The following MED27 variants were observed in gnomAD, a reference collection of about 807,000 sequenced individuals.
MED27 encodes the protein mediator of RNA polymerase II transcription subunit 27.
A neutral mutation model predicts 38.2 loss-of-function variants in MED27; 30 were observed. The observed-to-expected ratio is 0.79, with a 90% CI of 0.59 to 1.07. MED27 has a LOEUF of 1.07. MED27 is among the 50% of genes least tolerant of loss of function. The pLI is 0.00. For missense variants in MED27, 289 were observed against 397.5 expected, an observed-to-expected ratio of 0.73 and a Z score of 2.32; for synonymous variants, 122 against 153.5, an observed-to-expected ratio of 0.79 and a Z score of 1.52.
At chr9:132,045,413 T>TACACAC (rs61360267) in intron 2 of MED27, among the ~76,000 whole-genome samples, 98 of 144,494 alleles carry the variant, frequency 6.8e-4, no homozygotes, top group African/African-American at 2.0e-3. Flanking sequence ...AAGAGGAAAT[T>TACACAC]ACACACACAC....
At chr9:131,884,359 G>A (rs551770312) in intron 5 of MED27, among the ~76,000 whole-genome samples, 1 of 152,336 alleles carries the variant, frequency 6.6e-6, no homozygotes, top group East Asian at 1.9e-4. Context: ...GCTCCTGCAA[G>A]CTGAGCCCCT....
Position 132,061,234 on chromosome 9 carries a change from G to C in MED27, c.348+16208C>G, listed in dbSNP as rs370504260. Among the ~76,000 whole-genome samples the C allele has an allele frequency of 1.1e-4, 16 of 152,220 alleles. No individual in the cohort carries two copies. In the South Asian group the frequency reaches 3.3e-3, roughly 32 times the overall value. ...AATGAAAAGTAAGTCAGAGCTAAAA[G>C]GGCCAACGGTGCCTTATTCACAGCA... On this transcript the variant is annotated intron_variant, in intron 2 of 7. Coordinates refer to ENST00000292035, the MANE Select transcript of MED27 (RefSeq NM_004269.4).
intron 2 of MED27, among the ~76,000 whole-genome samples, chr9:132,069,781 C>T (rs952943195): frequency 2.6e-5 from 4 of 152,182 alleles, no homozygotes; most frequent in Non-Finnish European, 5.9e-5. Flanking sequence ...ACCCTTCATC[C>T]TACCGATGAG....
chr9:131,983,982 C>G (rs1831795461), intron 3 of MED27, among the ~76,000 whole-genome samples: 1 of 152,120 alleles, frequency 6.6e-6, no homozygotes, highest in African/African-American at 2.4e-5. Flanking sequence ...ACTTTCTGAC[C>G]TCTCGTCTCA....
At chr9:132,008,365 A>C (rs1192454671) in intron 3 of MED27, among the ~76,000 whole-genome samples, 1 of 152,244 alleles carries the variant, frequency 6.6e-6, no homozygotes, top group African/African-American at 2.4e-5. Flanking sequence ...TTTGCACAGC[A>C]ACAGTGGACA....
chr9:132,022,488 T>A (rs1261349430), intron 2 of MED27, among the ~76,000 whole-genome samples: 2 of 152,228 alleles, frequency 1.3e-5, no homozygotes, highest in African/African-American at 4.8e-5. Context: ...TCTGAGGTCC[T>A]AACACTGAAA....
At chr9:131,895,818 T>C (rs984774994) in intron 4 of MED27, among the ~76,000 whole-genome samples, 3 of 152,002 alleles carry the variant, frequency 2.0e-5, no homozygotes, top group African/African-American at 7.2e-5. Context: ...CAATAAACCA[T>C]GGAGGTAGAG....
chr9:131,975,635 C>T (rs1414446182), intron 3 of MED27, among the ~76,000 whole-genome samples: 1 of 152,222 alleles, frequency 6.6e-6, no homozygotes, highest in African/African-American at 2.4e-5. Flanking sequence ...GAAGAAGACA[C>T]AATCCCTGCC....
Position 131,917,340 on chromosome 9 carries a change from G to A in MED27, c.573+22041C>T, listed in dbSNP as rs756293520. On this transcript the variant is annotated intron_variant, in intron 4 of 7. Transcript: ENST00000292035. This position sits in a 1 kb window ranked among gnomAD's most constrained non-coding sequence, Gnocchi z 4.6. The stretch of plus-strand genomic sequence containing the variant: ...AAGAGGAGAAAGGTCAACTGAGGCC[G>A]GGTTATACAGACCATGTACACCACC... 8.5e-5 allele frequency among the ~76,000 whole-genome samples: 13 copies of A among 152,078 alleles called. No homozygotes were observed. The highest frequency in any genetic ancestry group is 2.0e-4 in the Admixed American group (3 of 15,266).
At chr9:131,924,191 T>C (rs915346720) in intron 4 of MED27, among the ~76,000 whole-genome samples, 5 of 152,214 alleles carry the variant, frequency 3.3e-5, no homozygotes, top group African/African-American at 9.6e-5. Flanking sequence ...TGCATTCTCA[T>C]TAGCAAGGTA....
intron 4 of MED27, among the ~76,000 whole-genome samples, chr9:131,899,569 T>C (rs542267201): frequency 3.3e-5 from 5 of 152,228 alleles, no homozygotes; most frequent in Admixed American, 6.5e-5. Flanking sequence ...TTTGAGGAAA[T>C]TGAAGGAGGC....
intron 2 of MED27, among the ~76,000 whole-genome samples, chr9:132,057,624 A>G (rs1833609913): frequency 6.6e-6 from 1 of 152,230 alleles, no homozygotes; most frequent in Non-Finnish European, 1.5e-5. Context: ...ACATAAGCCA[A>G]TGCGATGGCA....
intron 2 of MED27, among the ~76,000 whole-genome samples, chr9:132,071,666 C>T (rs894934612): frequency 4.6e-5 from 7 of 151,884 alleles, no homozygotes; most frequent in African/African-American, 1.7e-4. Flanking sequence ...GTAACCCGTG[C>T]CCCATGAATG....
chr9:132,074,404 A>T (rs1834004024), intron 2 of MED27, among the ~76,000 whole-genome samples: 1 of 152,216 alleles, frequency 6.6e-6, no homozygotes, highest in Non-Finnish European at 1.5e-5. Context: ...TAAAACAGAA[A>T]GTTCATCTCA....
At chr9:131,864,956 T>C (rs1838712157) in intron 6 of MED27, among the ~76,000 whole-genome samples, 1 of 152,256 alleles carries the variant, frequency 6.6e-6, no homozygotes, top group Admixed American at 6.5e-5. Context: ...GCCTGGGCCC[T>C]GGACTTGCCC....
intron 6 of MED27, among the ~76,000 whole-genome samples, chr9:131,882,358 A>C (rs1159641905): frequency 6.6e-6 from 1 of 152,196 alleles, no homozygotes; most frequent in Non-Finnish European, 1.5e-5. Flanking sequence ...TGGGGTAAGG[A>C]AATGTTTTAG....
Position 131,966,383 on chromosome 9 carries a change from CA to C in MED27, c.480-26910del, listed in dbSNP as rs749607968. On this transcript the variant is annotated intron_variant, in intron 3 of 7. Transcript: ENST00000292035. ...CAGGCAAAAGAGCCAGACCCTGTCA[CA>C]AAAAAAAAAAAAAAAAGGAAAGGAA... Among the ~76,000 whole-genome samples the C allele has an allele frequency of 3.3e-3, 120 of 36,758 alleles. 6 individuals are homozygous for C. Among genetic ancestry groups the C allele is most frequent in the African/African-American group, 0.017 (105 of 6,274 alleles). The allele number at this position is 36,758 out of a possible 152,430, so 24.1% of individuals were successfully genotyped here.
At chr9:131,893,155 T>C (rs4740330) in intron 5 of MED27, among the ~76,000 whole-genome samples, 129,761 of 152,162 alleles carry the variant, frequency 0.85, 55,401 homozygotes, top group Middle Eastern at 0.88. Context: ...ATGAGAGTCA[T>C]GAGGAAGGAA....
At position 131,861,376 on chromosome 9, in the gene MED27, A is replaced by C. The variant is rs1456203874; in HGVS notation, c.802-704T>G. Among the ~76,000 whole-genome samples, 3 of 152,216 alleles carry C rather than the reference A, an allele frequency of 2.0e-5. No individual in the cohort carries two copies. Among genetic ancestry groups the C allele is most frequent in the Admixed American group, 2.0e-4 (3 of 15,286 alleles). ...AAAAAATACCCAAACGTAAAACAGC[A>C]GGCAAGCAAGTTCTCGCGGTGAAAG... On this transcript the variant is annotated intron_variant, in intron 7 of 7. Coordinates refer to ENST00000292035, the MANE Select transcript of MED27 (RefSeq NM_004269.4). This position sits in a 1 kb window ranked among gnomAD's most constrained non-coding sequence, Gnocchi z 4.4.
Sources: gnomAD v4.1 joint callset for allele counts (sites outside exome capture counted in the v4.1 genomes callset) on GRCh38, gnomAD v4.1.1 for gene constraint, Gnocchi (gnomAD v3.1) non-coding constraint, MANE v1.5 for transcripts, NCBI Gene and HGNC (gene_info 2026-07-23, HGNC 2026-07-21) for gene names.